CDC40: variants seen among roughly 807,000 people sequenced by gnomAD.
CDC40 encodes the protein pre-mRNA-processing factor 17.
A neutral mutation model predicts 80.6 loss-of-function variants in CDC40; 27 were observed. The ratio of observed to expected loss-of-function variants is 0.33; its 90% CI spans 0.25 to 0.46. CDC40 has a LOEUF of 0.46. Among genes scored for constraint, CDC40 ranks in the 20% least tolerant of loss-of-function variants. The probability of loss-of-function intolerance (pLI) is 1.00; values close to 1 mark genes in which losing one functional copy is unlikely to be tolerated. For missense variants in CDC40, 486 were observed against 694.1 expected, an observed-to-expected ratio of 0.70 and a Z score of 3.37; for synonymous variants, 221 against 232.6, an observed-to-expected ratio of 0.95 and a Z score of 0.45.
intron 12 of CDC40, among the ~76,000 whole-genome samples, chr6:110,223,102 A>G (rs1584083583): frequency 6.6e-6 from 1 of 152,292 alleles, no homozygotes; most frequent in East Asian, 1.9e-4. Context: ...TTTGTTTTTA[A>G]GAGACAGGAT....
chr6:110,226,765 T>C (rs1777867198), intron 13 of CDC40, among the ~76,000 whole-genome samples: 1 of 152,086 alleles, frequency 6.6e-6, no homozygotes, highest in African/African-American at 2.4e-5. Flanking sequence ...CAGTAAATCA[T>C]TTAATAATGA....
intron 2 of CDC40, among the ~76,000 whole-genome samples, chr6:110,196,877 A>C (rs1354557921): frequency 6.6e-6 from 1 of 152,156 alleles, no homozygotes; most frequent in Non-Finnish European, 1.5e-5. Context: ...TTTGTTTATA[A>C]ATCTTTTAAA....
intron 12 of CDC40, among the ~76,000 whole-genome samples, chr6:110,223,724 T>C (rs1176833573): frequency 6.6e-6 from 1 of 152,348 alleles, no homozygotes; most frequent in Admixed American, 6.5e-5. Flanking sequence ...AACGGCTTTC[T>C]TAAATAATAC....
At chr6:110,210,385 A>G (rs1777621663) in intron 5 of CDC40, among the ~76,000 whole-genome samples, 1 of 149,406 alleles carries the variant, frequency 6.7e-6, no homozygotes, top group South Asian at 2.1e-4. Flanking sequence ...CCCTGTCTCT[A>G]CTAAAACAGA....
In CDC40 at chr6:110,180,735, G is replaced by A. The variant is rs558745409; in HGVS notation, c.189+102G>A. The A allele has an allele frequency of 4.5e-5, 35 of 781,368 alleles. No homozygotes were observed. In the South Asian group the frequency reaches 5.9e-4, roughly 13 times the overall value. The allele number at this position is 781,368 out of a possible 1,614,324, so 48.4% of individuals were successfully genotyped here. A position where few individuals can be genotyped will look rare whatever the true frequency, so the allele number is the denominator to read the frequency against. On this transcript the variant is annotated intron_variant, in intron 1 of 14. Coordinates refer to ENST00000307731, the MANE Select transcript of CDC40 (RefSeq NM_015891.3). ...CGGGTTACCTCTTTCTCAGTGCTCA[G>A]AGATAAGTTGCTAACGTTTGAATTT...
At position 110,215,328 on chromosome 6, in the gene CDC40, ATTGGTAATGCTTC is replaced by A. The variant is rs1381651242; in HGVS notation, c.988_988+12del. ...AGAACGGCGCTGTCTGAGAACATTT[ATTGGTAATGCTTC>A]TTTTCTCTCCAACATAAATCTGGGA... On this transcript the variant is annotated splice_donor_variant and splice_donor_5th_base_variant and coding_sequence_variant and intron_variant, in exon 9 of 15. Coordinates refer to ENST00000307731, the MANE Select transcript of CDC40 (RefSeq NM_015891.3). LOFTEE classifies it high-confidence loss of function. 1 of 1,612,166 alleles carries A rather than the reference ATTGGTAATGCTTC, an allele frequency of 6.2e-7. No individual in the cohort carries two copies. The highest frequency in any genetic ancestry group is 1.7e-5 in the Admixed American group (1 of 60,012).
intron 1 of CDC40, 133 bp downstream of exon 1, chr6:110,180,766 C>T (rs1285164505): frequency 4.5e-6 from 3 of 661,702 alleles, no homozygotes; most frequent in South Asian, 1.9e-5. Flanking sequence ...AATTTCTTCT[C>T]CTTCCCACAT....
At chr6:110,204,701 C>T (rs1777540192) in intron 3 of CDC40, among the ~76,000 whole-genome samples, 1 of 135,828 alleles carries the variant, frequency 7.4e-6, no homozygotes, top group Non-Finnish European at 1.5e-5. Flanking sequence ...CTCGCTCTGT[C>T]ACTCAGGCCG....
chr6:110,204,642 A>G (rs955899307), intron 3 of CDC40, among the ~76,000 whole-genome samples: 4 of 150,666 alleles, frequency 2.7e-5, no homozygotes, highest in African/African-American at 9.8e-5. Flanking sequence ...ACCACAGTGT[A>G]TAAAAGTCCT....
rs144308256 is a variant in CDC40, at chr6:110,201,623, T to C, written c.342T>C (p.Tyr114=). The change falls in exon 3 of 15, where the codon TAT becomes TAC. Residue 114 remains tyrosine, a synonymous_variant. Coordinates refer to ENST00000307731, the MANE Select transcript of CDC40 (RefSeq NM_015891.3). ...MAAPRNMLSG[Y]AEPAHINDFM... is the part of the protein sequence containing the mutation. ...CCCCTAGAAATATGCTTTCTGGATATGCCGAACCAGCTCATATCAATGATT... is the reference window on the plus strand; with the variant it reads ...CCCCTAGAAATATGCTTTCTGGATACGCCGAACCAGCTCATATCAATGATT... 1.6e-5 allele frequency: 26 copies of C among 1,613,548 alleles called. No homozygotes were observed. In the African/African-American group the frequency reaches 2.7e-4, roughly 17 times the overall value.
chr6:110,183,255 C>T (rs968833699), intron 1 of CDC40, among the ~76,000 whole-genome samples: 2 of 152,188 alleles, frequency 1.3e-5, no homozygotes, highest in Non-Finnish European at 2.9e-5. Flanking sequence ...ACCCTGGGGT[C>T]CAGAGACTGT....
At position 110,207,615 on chromosome 6, in the gene CDC40, C is replaced by A. The variant is rs376112779; in HGVS notation, c.490+26C>A. ...GTAATTTATTTGAAACATTTGATAT[C>A]ATATATACCTACACATCTATAATTA... On this transcript the variant is annotated intron_variant, in intron 4 of 14. Transcript: ENST00000307731. The A allele has an allele frequency of 3.5e-5, 39 of 1,127,106 alleles. No individual in the cohort carries two copies. The African/African-American group carries it at 5.2e-4, about 15-fold the overall frequency. The allele number at this position is 1,127,106 out of a possible 1,614,324, so 69.8% of individuals were successfully genotyped here.
At chr6:110,192,107 G>A (rs988334536) in intron 1 of CDC40, among the ~76,000 whole-genome samples, 1 of 152,092 alleles carries the variant, frequency 6.6e-6, no homozygotes, top group African/African-American at 2.4e-5. Flanking sequence ...GGTTACTGGG[G>A]GGTTTAGAGC....
At chr6:110,210,393 A>G (rs1431872978) in intron 5 of CDC40, among the ~76,000 whole-genome samples, 1 of 132,490 alleles carries the variant, frequency 7.5e-6, no homozygotes, top group African/African-American at 3.2e-5. Context: ...CTACTAAAAC[A>G]GAAAAAATTA....
chr6:110,181,883 T>C (rs1053434052), intron 1 of CDC40, among the ~76,000 whole-genome samples: 8 of 152,246 alleles, frequency 5.3e-5, no homozygotes, highest in African/African-American at 1.7e-4. Flanking sequence ...AAACTTTCTC[T>C]CCGTTTCGCT....
chr6:110,202,222 G>C (rs1777502398), intron 3 of CDC40, among the ~76,000 whole-genome samples: 1 of 152,146 alleles, frequency 6.6e-6, no homozygotes, highest in Non-Finnish European at 1.5e-5. Flanking sequence ...TGCTTGTATA[G>C]AGGATTATCA....
chr6:110,192,873 G>C (rs527774770), intron 1 of CDC40, among the ~76,000 whole-genome samples: 1 of 152,100 alleles, frequency 6.6e-6, no homozygotes, highest in South Asian at 2.1e-4. Flanking sequence ...TAGAGGTTCG[G>C]GTCTTTTGAG....
At position 110,231,177 on chromosome 6, in the gene CDC40, A is replaced by G. The variant is rs1441425256; in HGVS notation, c.*1046A>G. On this transcript the variant is annotated 3_prime_UTR_variant, in exon 15 of 15. Coordinates refer to ENST00000307731, the MANE Select transcript of CDC40 (RefSeq NM_015891.3). Reference sequence around the variant, plus strand: ...AGTTTGAGAAGCAGTGGCCATGGTGAAAAATAGTTTTTGAAAACATCAGAT... The same window carrying G: ...AGTTTGAGAAGCAGTGGCCATGGTGGAAAATAGTTTTTGAAAACATCAGAT... The G allele has an allele frequency of 7.2e-5, 11 of 152,328 alleles. No homozygotes were observed. The highest frequency in any genetic ancestry group is 2.1e-4 in the South Asian group (1 of 4,828). The allele number at this position is 152,328 out of a possible 1,614,324, so 9.4% of individuals were successfully genotyped here.
intron 5 of CDC40, 69 bp from the exon 6 acceptor site, chr6:110,210,638 T>G: frequency 1.4e-6 from 1 of 715,882 alleles, no homozygotes; most frequent in East Asian, 3.3e-5. Context: ...ATAAAGAATT[T>G]ATAACCAACT....
Sources: gnomAD v4.1 joint callset for allele counts (sites outside exome capture counted in the v4.1 genomes callset) on GRCh38, gnomAD v4.1.1 for gene constraint, MANE v1.5 for transcripts, NCBI Gene and HGNC (gene_info 2026-07-23, HGNC 2026-07-21) for gene names.